Variants in SERAC1 observed in about 807,000 individuals in gnomAD.
The protein encoded by SERAC1 is protein SERAC1.
SERAC1 carries 36 observed loss-of-function variants against 85.7 expected under a neutral mutation model. The observed-to-expected ratio is 0.42, with a 90% CI of 0.32 to 0.55. SERAC1 has a LOEUF of 0.55. Among genes scored for constraint, SERAC1 ranks in the 20% least tolerant of loss-of-function variants. The pLI is 0.11. For missense variants in SERAC1, 629 were observed against 796.2 expected, an observed-to-expected ratio of 0.79 and a Z score of 2.53; for synonymous variants, 242 against 265.3, an observed-to-expected ratio of 0.91 and a Z score of 0.85.
In SERAC1 at chr6:158,113,505, A is replaced by T. The variant is rs991826923; in HGVS notation, c.1772T>A (p.Leu591Gln). 6.2e-7 allele frequency: 1 copy of T among 1,613,924 alleles called. No individual in the cohort carries two copies. Among genetic ancestry groups the T allele is most frequent in the African/African-American group, 1.3e-5 (1 of 74,928 alleles). ...NFQVLNFVET[L>Q]PTYIGSMIKL... is the part of the protein sequence containing the mutation. The stretch of plus-strand genomic sequence containing the variant: ...AATCATGCTGCCAATGTAGGTTGGT[A>T]GTGTTTCCACAAAATTCAGCACCTG... The change falls in exon 16 of 17, where the codon CTA becomes CAA. Residue 591 changes from leucine to glutamine, a missense_variant. By Grantham distance (113) the Leu-to-Gln change is moderately radical (BLOSUM62 -2). Coordinates refer to ENST00000647468, the MANE Select transcript of SERAC1 (RefSeq NM_032861.4).
At chr6:158,166,148 C>A (rs2128426760) in intron 1 of SERAC1, 1 of 152,280 alleles carries the variant, frequency 6.6e-6, no homozygotes, top group East Asian at 1.9e-4. Flanking sequence ...AGGTCTTTAT[C>A]TGGAAACTGT....
At chr6:158,135,358 C>T (rs1784766439) in intron 8 of SERAC1, among the ~76,000 whole-genome samples, 1 of 152,070 alleles carries the variant, frequency 6.6e-6, no homozygotes, top group Non-Finnish European at 1.5e-5. Flanking sequence ...ATGGTGACAT[C>T]CCGTCTCTAC....
chr6:158,128,569 AT>A (rs1784599736), intron 9 of SERAC1, among the ~76,000 whole-genome samples: 1 of 152,208 alleles, frequency 6.6e-6, no homozygotes, highest in South Asian at 2.1e-4. Context: ...TTATTACAAA[AT>A]TGTTTCAATT....
chr6:158,128,711 C>T (rs929231068), intron 9 of SERAC1, among the ~76,000 whole-genome samples: 4 of 152,154 alleles, frequency 2.6e-5, no homozygotes, highest in African/African-American at 4.8e-5. Context: ...TCACACAGGG[C>T]GAGACCAGTG....
chr6:158,116,092 A>G, intron 14 of SERAC1, 93 bp downstream of exon 14: 1 of 1,016,690 alleles, frequency 9.8e-7, no homozygotes, highest in Non-Finnish European at 1.5e-6. Flanking sequence ...GCCGCTATTA[A>G]GTAAAATGGA....
chr6:158,114,940 G>A lies in SERAC1; in HGVS notation c.1533C>T (p.Ala511=), dbSNP rs757523466. 3 of 1,612,492 alleles carry A rather than the reference G, an allele frequency of 1.9e-6. No individual in the cohort carries two copies. The highest frequency in any genetic ancestry group is 1.7e-5 in the Admixed American group (1 of 59,804). ...CAGTACTCATTTCTGGCTTCGTAGAGGCTTCCAACAGCATCTTTTTGACAA... is the reference window on the plus strand; with the variant it reads ...CAGTACTCATTTCTGGCTTCGTAGAAGCTTCCAACAGCATCTTTTTGACAA... ...GLLVKKMLLE[A]STKPEMSTVI... is the part of the protein sequence containing the mutation. Residue 511 remains alanine (A), a synonymous_variant, in exon 15 of 17, where the codon GCC becomes GCT. Coordinates refer to ENST00000647468, the MANE Select transcript of SERAC1 (RefSeq NM_032861.4).
rs186456785 is a variant in SERAC1 at position 158,136,703 on chromosome 6, C to G, written c.739-6217G>C. ...GAAACAGCACACTGACACTGAAGGG[C>G]CCTTGGGGACCACTATGAGGCAGGT... On this transcript the variant is annotated intron_variant, in intron 8 of 16. Coordinates refer to ENST00000647468, the MANE Select transcript of SERAC1 (RefSeq NM_032861.4). Among the ~76,000 whole-genome samples the G allele has an allele frequency of 3.9e-3, 591 of 152,228 alleles. 6 individuals carry two copies. The highest frequency in any genetic ancestry group is 0.014 in the African/African-American group (566 of 41,536).
chr6:158,128,965 T>C (rs1784607194), intron 9 of SERAC1, among the ~76,000 whole-genome samples: 1 of 152,212 alleles, frequency 6.6e-6, no homozygotes, highest in Admixed American at 6.5e-5. Context: ...TTCCCATCAC[T>C]AGTTTTACTC....
chr6:158,153,365 T>A (rs945041473), intron 3 of SERAC1, among the ~76,000 whole-genome samples: 1 of 152,114 alleles, frequency 6.6e-6, no homozygotes, highest in Non-Finnish European at 1.5e-5. Flanking sequence ...CTCCCATAGA[T>A]GGGTATTGAG....
At chr6:158,116,727 T>G (rs1302554610) in intron 13 of SERAC1, 1 of 156,810 alleles carries the variant, frequency 6.4e-6, no homozygotes, top group African/African-American at 2.4e-5. Context: ...ACTTAGGATA[T>G]GGATGTCCTT....
intron 10 of SERAC1, among the ~76,000 whole-genome samples, chr6:158,123,021 TCTGATA>T (rs1052522475): frequency 6.6e-6 from 1 of 152,130 alleles, no homozygotes; most frequent in African/African-American, 2.4e-5. Context: ...AATCTGCAGA[TCTGATA>T]CTAAGATTGA....
At position 158,120,519 on chromosome 6, in the gene SERAC1, G is replaced by A; in HGVS notation, c.1072C>T (p.His358Tyr). ...AGATTTGCCAGGATTCTGGCAGCGTGTGAGGACTCCATAATGTGGGGAGAT... is the reference window on the plus strand; with the variant it reads ...AGATTTGCCAGGATTCTGGCAGCGTATGAGGACTCCATAATGTGGGGAGAT... ...MKSPHIMESS[H>Y]AARILANLDR... is the part of the protein sequence containing the mutation. Residue 358 changes from histidine (H) to tyrosine (Y), a missense_variant, in exon 11 of 17, where the codon CAC becomes TAC. Physicochemically the swap from His to Tyr is moderately conservative, Grantham distance 83 (BLOSUM62 2). Coordinates refer to ENST00000647468, the MANE Select transcript of SERAC1 (RefSeq NM_032861.4). The surrounding 1 kb of genome is among the most constrained non-coding windows in gnomAD (Gnocchi z 4.4). 1 of 1,614,072 alleles carries A rather than the reference G, an allele frequency of 6.2e-7. No individual in the cohort carries two copies. The highest frequency in any genetic ancestry group is 1.1e-5 in the South Asian group (1 of 91,070).
At chr6:158,151,677 G>C (rs9457119) in intron 3 of SERAC1, among the ~76,000 whole-genome samples, 1 of 151,956 alleles carries the variant, frequency 6.6e-6, no homozygotes, top group Non-Finnish European at 1.5e-5. Flanking sequence ...CACCCACCTC[G>C]GCCTCCCAAA....
intron 8 of SERAC1, among the ~76,000 whole-genome samples, chr6:158,142,333 T>C (rs1298737936): frequency 6.6e-6 from 1 of 151,834 alleles, no homozygotes; most frequent in East Asian, 1.9e-4. Context: ...GCTAATTTTT[T>C]TTTAATGTTT....
At chr6:158,114,617 A>C (rs1583556991) in intron 15 of SERAC1, 172 bp downstream of exon 15, 3 of 1,361,204 alleles carry the variant, frequency 2.2e-6, no homozygotes, top group Non-Finnish European at 2.8e-6. Flanking sequence ...GAACAAAATG[A>C]GAAATTATCA....
At chr6:158,162,861 C>T (rs1392248119) in intron 1 of SERAC1, among the ~76,000 whole-genome samples, 1 of 152,002 alleles carries the variant, frequency 6.6e-6, no homozygotes, top group Non-Finnish European at 1.5e-5. Context: ...CAAATTATTC[C>T]TTTTCCTATA....
chr6:158,141,547 C>T (rs1784915727), intron 8 of SERAC1, among the ~76,000 whole-genome samples: 1 of 152,154 alleles, frequency 6.6e-6, no homozygotes, highest in African/African-American at 2.4e-5. Flanking sequence ...CCCCCAGGGT[C>T]CACCAGCTCT....
At chr6:158,126,682 T>C (rs1327609574) in intron 10 of SERAC1, among the ~76,000 whole-genome samples, 2 of 152,184 alleles carry the variant, frequency 1.3e-5, no homozygotes, top group African/African-American at 4.8e-5. Context: ...TCCCCACAGC[T>C]GGTTTATTAC....
At position 158,142,965 on chromosome 6, in the gene SERAC1, C is replaced by T. The variant is rs1448372928; in HGVS notation, c.738+91G>A. On this transcript the variant is annotated intron_variant, in intron 8 of 16. Transcript: ENST00000647468. The stretch of plus-strand genomic sequence containing the variant: ...ACACAACCAGAAGTTAGCATGTTTA[C>T]TCAGTTACTGGGTGAATGCCAGCCA... 5.9e-6 allele frequency: 6 copies of T among 1,016,128 alleles called. No individual in the cohort carries two copies. The Admixed American group carries it at 6.6e-5, about 11-fold the overall frequency. The allele number at this position is 1,016,128 out of a possible 1,614,324, so 62.9% of individuals were successfully genotyped here. A position where few individuals can be genotyped will look rare whatever the true frequency, so the allele number is the denominator to read the frequency against.
Sources: allele counts gnomAD v4.1 joint callset (sites outside exome capture counted in the v4.1 genomes callset), GRCh38; gene constraint gnomAD v4.1.1; non-coding constraint Gnocchi (gnomAD v3.1); transcripts MANE v1.5; gene names NCBI Gene and HGNC (gene_info 2026-07-23, HGNC 2026-07-21).